ARMC2: variants seen among roughly 807,000 people sequenced by gnomAD.
ARMC2 encodes armadillo repeat-containing protein 2.
In ARMC2, 67 loss-of-function variants were observed where a neutral mutation model predicts 90.3. That is an observed-to-expected ratio of 0.74 (90% CI 0.61 to 0.91). ARMC2 has a LOEUF of 0.91. Ranked by LOEUF, ARMC2 falls within the 40% of genes least tolerant of loss-of-function variation. The probability of loss-of-function intolerance (pLI) is 0.00; values close to 1 mark genes in which losing one functional copy is unlikely to be tolerated. For synonymous variants in ARMC2, 393 were observed against 393.0 expected, an observed-to-expected ratio of 1.00 and a Z score of 0.00; for missense variants, 920 against 1,030.9, an observed-to-expected ratio of 0.89 and a Z score of 1.47.
At chr6:108,980,701 A>G in the ARMC2 span, among the ~76,000 whole-genome samples, 1 of 152,140 alleles carries the variant, frequency 6.6e-6, no homozygotes, top group African/African-American at 2.4e-5. Context: ...TGCCCTGCCC[A>G]GAGAGGAGGA....
At chr6:108,881,804 A>C (rs992399732) in intron 5 of ARMC2, among the ~76,000 whole-genome samples, 1 of 152,178 alleles carries the variant, frequency 6.6e-6, no homozygotes, top group African/African-American at 2.4e-5. Flanking sequence ...GCTCCACACA[A>C]ACCAAGGGAA....
At chr6:109,027,951 T>G in the ARMC2 span, among the ~76,000 whole-genome samples, 1 of 152,206 alleles carries the variant, frequency 6.6e-6, no homozygotes, top group Non-Finnish European at 1.5e-5. Flanking sequence ...TTCTTTATAT[T>G]ATTTTGAATA....
chr6:108,956,393 G>A (rs1221649761), intron 13 of ARMC2, among the ~76,000 whole-genome samples: 2 of 152,074 alleles, frequency 1.3e-5, no homozygotes, highest in Admixed American at 1.3e-4. Flanking sequence ...GTGATGCTTT[G>A]GGGTAGGAGA....
At chr6:109,004,516 A>C in the ARMC2 span, among the ~76,000 whole-genome samples, 1 of 150,772 alleles carries the variant, frequency 6.6e-6, no homozygotes, top group Non-Finnish European at 1.5e-5. Context: ...GGCTCACTGC[A>C]GCCTCTGCCT....
At chr6:108,922,267 C>T (rs1050853557) in intron 10 of ARMC2, among the ~76,000 whole-genome samples, 1 of 152,022 alleles carries the variant, frequency 6.6e-6, no homozygotes, top group African/African-American at 2.4e-5. Flanking sequence ...AGGGCCCCCC[C>T]ACCCTTTTTT....
At chr6:108,888,121 G>C (rs1037888268) in intron 5 of ARMC2, among the ~76,000 whole-genome samples, 2 of 152,176 alleles carry the variant, frequency 1.3e-5, no homozygotes, top group African/African-American at 4.8e-5. Flanking sequence ...CTTTAAAAGG[G>C]ATCCAGACAA....
At chr6:108,903,045 G>A (rs1051957052) in intron 7 of ARMC2, among the ~76,000 whole-genome samples, 7 of 152,094 alleles carry the variant, frequency 4.6e-5, no homozygotes, top group African/African-American at 1.7e-4. Flanking sequence ...ACAAGCGTCT[G>A]GAGTCCTAGC....
At chr6:108,955,577 G>T (rs1031574676) in intron 13 of ARMC2, among the ~76,000 whole-genome samples, 1 of 152,112 alleles carries the variant, frequency 6.6e-6, no homozygotes, top group Non-Finnish European at 1.5e-5. Context: ...TCCACATCAC[G>T]TGTCACCTGT....
At chr6:108,975,518 C>T (rs1301827290), downstream of ARMC2, among the ~76,000 whole-genome samples, 1 of 152,180 alleles carries the variant, frequency 6.6e-6, no homozygotes, top group Non-Finnish European at 1.5e-5. Flanking sequence ...TGGGTATATA[C>T]CCAGTAATGG....
chr6:108,962,713 A>G (rs1778084430), intron 15 of ARMC2, among the ~76,000 whole-genome samples: 1 of 152,242 alleles, frequency 6.6e-6, no homozygotes, highest in Non-Finnish European at 1.5e-5. Flanking sequence ...CCAATTTAAG[A>G]CAGAGTTCAG....
the ARMC2 span, chr6:108,998,926 A>G: frequency 1.7e-6 from 1 of 590,634 alleles, no homozygotes; most frequent in Non-Finnish European, 2.8e-6. Flanking sequence ...ATGAATATGC[A>G]TTCACAAATA....
intron 10 of ARMC2, among the ~76,000 whole-genome samples, chr6:108,918,157 A>G (rs1774169453): frequency 6.6e-6 from 1 of 152,174 alleles, no homozygotes; most frequent in African/African-American, 2.4e-5. Flanking sequence ...GAGAGAGTAG[A>G]GAAAGAGCAG....
chr6:109,001,299 T>G, the ARMC2 span: 2 of 1,613,504 alleles, frequency 1.2e-6, no homozygotes, highest in South Asian at 1.1e-5. Context: ...ATTATTCCAA[T>G]GTAGTGACGA....
At chr6:108,876,379 G>T (rs1480958715) in intron 5 of ARMC2, 29 bp downstream of exon 5, 1 of 1,590,830 alleles carries the variant, frequency 6.3e-7, no homozygotes, top group East Asian at 2.2e-5. Flanking sequence ...TAATTTTCTG[G>T]TCAGGATAAT....
intron 2 of ARMC2, among the ~76,000 whole-genome samples, chr6:108,857,226 G>GT (rs1195423207): frequency 1.3e-5 from 2 of 152,112 alleles, no homozygotes; most frequent in Admixed American, 1.3e-4. Context: ...CATTTATTTA[G>GT]TTTTTTGATT....
At chr6:108,891,778 T>C (rs1160578258) in intron 5 of ARMC2, among the ~76,000 whole-genome samples, 1 of 152,232 alleles carries the variant, frequency 6.6e-6, no homozygotes, top group African/African-American at 2.4e-5. Flanking sequence ...ATTTTGGCTT[T>C]TGTTGCCATT....
intron 8 of ARMC2, among the ~76,000 whole-genome samples, chr6:108,906,999 T>G (rs1417679172): frequency 6.6e-6 from 1 of 152,202 alleles, no homozygotes; most frequent in African/African-American, 2.4e-5. Context: ...ATGTAAGATT[T>G]TATTATCTTT....
the ARMC2 span, among the ~76,000 whole-genome samples, chr6:109,037,538 G>C: frequency 6.6e-6 from 1 of 152,158 alleles, no homozygotes; most frequent in Non-Finnish European, 1.5e-5. Flanking sequence ...AATAATTACA[G>C]AATTTCAGAG....
chr6:108,987,280 C>CAGTT, the ARMC2 span: 1 of 346,000 alleles, frequency 2.9e-6, no homozygotes, highest in South Asian at 1.1e-4. Flanking sequence ...TGTATTAAAA[C>CAGTT]AGTTACACAG....
Sources: gnomAD v4.1 joint callset for allele counts (sites outside exome capture counted in the v4.1 genomes callset) on GRCh38, gnomAD v4.1.1 for gene constraint, MANE v1.5 for transcripts, NCBI Gene and HGNC (gene_info 2026-07-23, HGNC 2026-07-21) for gene names.